Variants in PTPRT observed in about 807,000 individuals in gnomAD.
PTPRT encodes protein tyrosine phosphatase receptor type T.
In PTPRT, 56 loss-of-function variants were observed where a neutral mutation model predicts 176.8. The ratio of observed to expected loss-of-function variants is 0.32; its 90% CI spans 0.26 to 0.40. PTPRT has a LOEUF of 0.40. PTPRT is among the 10% of genes least tolerant of loss of function. The pLI is 1.00. For synonymous variants in PTPRT, 783 were observed against 739.0 expected, an observed-to-expected ratio of 1.06 and a Z score of -0.96; for missense variants, 1,540 against 1,908.2, an observed-to-expected ratio of 0.81 and a Z score of 3.60.
rs1476370457 is a variant in PTPRT at position 42,485,753 on chromosome 20, T to C, written c.1154-13191A>G. On this transcript the variant is annotated intron_variant, in intron 7 of 30. Transcript: ENST00000373187. ...AGACACTACTCAGGACTGCTGGACC[T>C]TGAAGAGCCCTGCTGTGTCAGCAGC... 2.0e-5 allele frequency among the ~76,000 whole-genome samples: 3 copies of C among 152,196 alleles called. No homozygotes were observed. The East Asian group carries it at 5.8e-4, about 29-fold the overall frequency.
rs6065452 is a variant in PTPRT at position 42,272,030 on chromosome 20, C to G, written c.2176+10459G>C. Among the ~76,000 whole-genome samples the G allele has an allele frequency of 2.6e-5, 4 of 152,300 alleles. No homozygotes were observed. In the East Asian group the frequency reaches 7.7e-4, roughly 29 times the overall value. ...AGTTTTGCTGTTTTAAAAGCACAAT[C>G]TAAGTCAGGGGTCAGCAAACTATGA... On this transcript the variant is annotated intron_variant, in intron 13 of 30. Coordinates refer to ENST00000373187, the MANE Select transcript of PTPRT (RefSeq NM_007050.6).
chr20:42,422,398 C>G (rs2059126301), intron 9 of PTPRT, among the ~76,000 whole-genome samples: 1 of 152,068 alleles, frequency 6.6e-6, no homozygotes, highest in Admixed American at 6.5e-5. Flanking sequence ...AAAATATGAG[C>G]AGACACTTTT....
At chr20:42,895,700 C>G (rs2079283812) in intron 1 of PTPRT, among the ~76,000 whole-genome samples, 1 of 152,178 alleles carries the variant, frequency 6.6e-6, no homozygotes, top group Admixed American at 6.5e-5. Context: ...ATTAGCACTG[C>G]ATGTTGCATT....
chr20:42,365,505 T>A (rs1324349887), intron 9 of PTPRT, among the ~76,000 whole-genome samples: 1 of 151,818 alleles, frequency 6.6e-6, no homozygotes, highest in Admixed American at 6.6e-5. Flanking sequence ...CAAGAACCAA[T>A]TTTCATCTCT....
At chr20:42,802,803 A>T (rs1167374999) in intron 2 of PTPRT, among the ~76,000 whole-genome samples, 1 of 152,234 alleles carries the variant, frequency 6.6e-6, no homozygotes, top group Non-Finnish European at 1.5e-5. Flanking sequence ...AAACTGCCAG[A>T]TCAAATCCCA....
intron 1 of PTPRT, among the ~76,000 whole-genome samples, chr20:43,156,319 T>A (rs1308631724): frequency 6.6e-6 from 1 of 152,120 alleles, no homozygotes; most frequent in African/African-American, 2.4e-5. Context: ...CAACATCCAT[T>A]TTACAGATGA....
At chr20:42,504,503 A>T (rs1022885608) in intron 7 of PTPRT, among the ~76,000 whole-genome samples, 3 of 152,196 alleles carry the variant, frequency 2.0e-5, no homozygotes, top group African/African-American at 7.2e-5. Flanking sequence ...TCTTATTTTA[A>T]TAAAATAATT....
At chr20:42,781,471 G>C (rs1370846001) in intron 3 of PTPRT, among the ~76,000 whole-genome samples, 1 of 152,018 alleles carries the variant, frequency 6.6e-6, no homozygotes, top group Non-Finnish European at 1.5e-5. Context: ...GAACATCAGC[G>C]CTCTTGACCC....
At chr20:42,688,911 A>G (rs969772372) in intron 6 of PTPRT, among the ~76,000 whole-genome samples, 2 of 152,168 alleles carry the variant, frequency 1.3e-5, no homozygotes, top group Non-Finnish European at 2.9e-5. Context: ...ACCCTGGAGG[A>G]GACTAAGAGA....
chr20:42,848,397 C>T (rs894936604), intron 2 of PTPRT, among the ~76,000 whole-genome samples: 1 of 152,206 alleles, frequency 6.6e-6, no homozygotes, highest in African/African-American at 2.4e-5. Flanking sequence ...GGAACCTCCA[C>T]ACTGTTTTGT....
chr20:43,127,645 C>G (rs543721067), intron 1 of PTPRT, among the ~76,000 whole-genome samples: 52 of 152,136 alleles, frequency 3.4e-4, no homozygotes, highest in Non-Finnish European at 6.3e-4. Flanking sequence ...CAACTCAGTG[C>G]AGACGCAGCT....
chr20:42,847,263 CGAG>C (rs1053676433), intron 2 of PTPRT, among the ~76,000 whole-genome samples: 2 of 152,076 alleles, frequency 1.3e-5, no homozygotes, highest in Non-Finnish European at 2.9e-5. Context: ...AGAACAGGGG[CGAG>C]AAGATCCCCT....
At chr20:42,717,881 G>GTGTGTA (rs1164910682) in intron 6 of PTPRT, among the ~76,000 whole-genome samples, 1 of 152,214 alleles carries the variant, frequency 6.6e-6, no homozygotes, top group African/African-American at 2.4e-5. Flanking sequence ...GTGTGTGTGT[G>GTGTGTA]TGTGTGCATG....
intron 11 of PTPRT, among the ~76,000 whole-genome samples, chr20:42,343,511 A>G (rs2058142643): frequency 6.6e-6 from 1 of 152,194 alleles, no homozygotes; most frequent in African/African-American, 2.4e-5. Flanking sequence ...TGAACAATGT[A>G]ACTGTCTCCC....
intron 11 of PTPRT, among the ~76,000 whole-genome samples, chr20:42,317,259 T>C (rs949666892): frequency 6.6e-6 from 1 of 152,224 alleles, no homozygotes; most frequent in African/African-American, 2.4e-5. Context: ...AGTGTGTGAA[T>C]AGAGATGACT....
intron 2 of PTPRT, among the ~76,000 whole-genome samples, chr20:42,803,208 T>C (rs1297782709): frequency 6.6e-6 from 1 of 152,204 alleles, no homozygotes; most frequent in African/African-American, 2.4e-5. Flanking sequence ...TTGCCAGTGG[T>C]TCTCCAAGTG....
At chr20:42,501,559 TG>T (rs1788205598) in intron 7 of PTPRT, among the ~76,000 whole-genome samples, 1 of 152,158 alleles carries the variant, frequency 6.6e-6, no homozygotes, top group Admixed American at 6.6e-5. Flanking sequence ...CAACAATTTT[TG>T]TTGATAAAGT....
rs571983397 is a variant in PTPRT, at chr20:42,183,710, G to T, written c.2491+15530C>A. On this transcript the variant is annotated intron_variant, in intron 16 of 30. Coordinates refer to ENST00000373187, the MANE Select transcript of PTPRT (RefSeq NM_007050.6). ...CAATTGATTCCTTCTCTTCCTATAT[G>T]CATATGCCATTTTTCCTATAGAAGG... Among the ~76,000 whole-genome samples the T allele has an allele frequency of 3.9e-5, 6 of 152,132 alleles. No individual in the cohort carries two copies. The South Asian group carries it at 1.0e-3, about 26-fold the overall frequency.
intron 7 of PTPRT, among the ~76,000 whole-genome samples, chr20:42,482,394 T>C (rs570053289): frequency 1.3e-5 from 2 of 152,238 alleles, no homozygotes; most frequent in African/African-American, 4.8e-5. Context: ...AAAATGAGGA[T>C]AACAACTAGG....
Sources: gnomAD v4.1 joint callset for allele counts (sites outside exome capture counted in the v4.1 genomes callset) on GRCh38, gnomAD v4.1.1 for gene constraint, MANE v1.5 for transcripts, NCBI Gene and HGNC (gene_info 2026-07-23, HGNC 2026-07-21) for gene names.